The following MMP26 variants were observed in gnomAD, a reference collection of about 807,000 sequenced individuals.
MMP26 encodes matrix metalloproteinase-26.
A neutral mutation model predicts 31.0 loss-of-function variants in MMP26; 33 were observed. That is an observed-to-expected ratio of 1.06 (90% confidence interval 0.81 to 1.42). The LOEUF (loss-of-function observed/expected upper bound fraction) is 1.42, where lower values mean the gene tolerates loss of function less well. MMP26 is among the 40% of genes most tolerant of loss of function. The probability of loss-of-function intolerance (pLI) is 0.00; values close to 1 mark genes in which losing one functional copy is unlikely to be tolerated. For synonymous variants in MMP26, 122 were observed against 114.9 expected, an observed-to-expected ratio of 1.06 and a Z score of -0.40; for missense variants, 347 against 316.1, an observed-to-expected ratio of 1.10 and a Z score of -0.74.
intron 2 of MMP26, among the ~76,000 whole-genome samples, chr11:4,866,797 G>C (rs1362208508): frequency 2.0e-5 from 3 of 152,092 alleles, no homozygotes; most frequent in Admixed American, 6.6e-5. Context: ...ACAACCATCT[G>C]ATCTTTGACA....
At chr11:4,730,615 T>C (rs1017679587) in intron 1 of MMP26, among the ~76,000 whole-genome samples, 1 of 152,220 alleles carries the variant, frequency 6.6e-6, no homozygotes, top group African/African-American at 2.4e-5. Context: ...TAATGTACGA[T>C]AGTATGCACT....
intron 2 of MMP26, among the ~76,000 whole-genome samples, chr11:4,857,617 G>T (rs1285288914): frequency 4.6e-5 from 7 of 152,066 alleles, no homozygotes; most frequent in Non-Finnish European, 4.4e-5. Flanking sequence ...CAGGACCAGA[G>T]GGATTCACAG....
At chr11:4,821,935 A>C in intron 2 of MMP26, 2 of 1,613,998 alleles carry the variant, frequency 1.2e-6, no homozygotes, top group Non-Finnish European at 1.7e-6. Context: ...GTCCTTCTGC[A>C]GTTCTATGGT....
chr11:4,839,040 T>G (rs989780757), intron 2 of MMP26, among the ~76,000 whole-genome samples: 3 of 151,924 alleles, frequency 2.0e-5, no homozygotes, highest in African/African-American at 7.3e-5. Flanking sequence ...TTCTGATGCA[T>G]TAAACTCAGT....
At chr11:4,934,915 G>C (rs544098082) in intron 2 of MMP26, among the ~76,000 whole-genome samples, 16 of 151,452 alleles carry the variant, frequency 1.1e-4, no homozygotes, top group Non-Finnish European at 2.1e-4. Context: ...TGAGGGCTCC[G>C]TTCTGTTCCA....
intron 2 of MMP26, among the ~76,000 whole-genome samples, chr11:4,853,250 G>A (rs369820876): frequency 5.3e-5 from 8 of 152,068 alleles, no homozygotes; most frequent in South Asian, 2.1e-4. Context: ...CACATACAAG[G>A]GTAACTATGT....
chr11:4,809,342 G>C (rs1043427255), intron 2 of MMP26, among the ~76,000 whole-genome samples: 1 of 152,096 alleles, frequency 6.6e-6, no homozygotes, highest in African/African-American at 2.4e-5. Context: ...CTCCATGTAG[G>C]GTTTTGTTAT....
intron 2 of MMP26, among the ~76,000 whole-genome samples, chr11:4,840,713 A>C (rs1050805094): frequency 6.6e-6 from 1 of 152,234 alleles, no homozygotes; most frequent in Non-Finnish European, 1.5e-5. Context: ...ATGGGTACAA[A>C]GAAGCCCAGA....
intron 2 of MMP26, among the ~76,000 whole-genome samples, chr11:4,823,228 G>A (rs1849535191): frequency 6.6e-6 from 1 of 151,866 alleles, no homozygotes; most frequent in Non-Finnish European, 1.5e-5. Flanking sequence ...ATTAACATAA[G>A]ACACAGAGCT....
At chr11:4,882,181 C>T in intron 2 of MMP26, 2 of 1,613,948 alleles carry the variant, frequency 1.2e-6, no homozygotes, top group Non-Finnish European at 1.7e-6. Context: ...CCCGGGAGAT[C>T]AGCTTTAAAG....
chr11:4,720,925 G>A (rs1848002600), intron 1 of MMP26, among the ~76,000 whole-genome samples: 1 of 152,180 alleles, frequency 6.6e-6, no homozygotes, highest in South Asian at 2.1e-4. Flanking sequence ...TGAGATTATT[G>A]CTGGAAGTGT....
intron 2 of MMP26, chr11:4,907,563 T>A: frequency 6.2e-7 from 1 of 1,614,090 alleles, no homozygotes; most frequent in Non-Finnish European, 8.5e-7. Context: ...TTCCTTGCCA[T>A]GTTGGCTGTC....
At chr11:4,901,149 C>CT (rs55678976) in intron 2 of MMP26, among the ~76,000 whole-genome samples, 9,966 of 84,226 alleles carry the variant, frequency 0.12, 2,707 homozygotes, top group Non-Finnish European at 0.14. Context: ...CCTCTTTGTG[C>CT]TTTTTTTTTT....
chr11:4,864,219 C>T (rs942823088), intron 2 of MMP26, among the ~76,000 whole-genome samples: 1 of 152,154 alleles, frequency 6.6e-6, no homozygotes, highest in African/African-American at 2.4e-5. Context: ...AATTGTTATT[C>T]CAATACCTCA....
At chr11:4,880,558 A>C (rs778171533) in intron 2 of MMP26, among the ~76,000 whole-genome samples, 1 of 152,234 alleles carries the variant, frequency 6.6e-6, no homozygotes. Context: ...TTTGGTAATC[A>C]ATCAATGTTG....
At chr11:4,859,705 G>T in intron 2 of MMP26, 1 of 470,636 alleles carries the variant, frequency 2.1e-6, no homozygotes, top group Admixed American at 2.3e-5. Context: ...TAGCACAGGC[G>T]GGAGCAGTAG....
At chr11:4,988,409 TACAC>T (rs780969881) in intron 3 of MMP26, 99 bp downstream of exon 3, 10 of 853,152 alleles carry the variant, frequency 1.2e-5, no homozygotes, top group African/African-American at 1.7e-5. Flanking sequence ...TAATGATAAA[TACAC>T]ACATTAATAT....
chr11:4,824,210 T>G (rs974799806), intron 2 of MMP26, among the ~76,000 whole-genome samples: 7 of 152,076 alleles, frequency 4.6e-5, no homozygotes, highest in Non-Finnish European at 7.4e-5. Flanking sequence ...GGATCATGAC[T>G]TCCCATCATA....
At chr11:4,876,708 T>C (rs549327838) in intron 2 of MMP26, 1 of 150,100 alleles carries the variant, frequency 6.7e-6, no homozygotes, top group East Asian at 1.9e-4. Flanking sequence ...ATCCTTGTTG[T>C]CATCAAAGTT....
Sources: gnomAD v4.1 joint callset for allele counts (sites outside exome capture counted in the v4.1 genomes callset) on GRCh38, gnomAD v4.1.1 for gene constraint, MANE v1.5 for transcripts, NCBI Gene and HGNC (gene_info 2026-07-23, HGNC 2026-07-21) for gene names.